The following AP3B1 variants were observed in gnomAD, a reference collection of about 807,000 sequenced individuals.
The protein encoded by AP3B1 is AP-3 complex subunit beta-1.
In AP3B1, 61 loss-of-function variants were observed where a neutral mutation model predicts 132.5. That is an observed-to-expected ratio of 0.46 (90% CI 0.37 to 0.57). The LOEUF is 0.57. Ranked by LOEUF, AP3B1 falls within the 20% of genes least tolerant of loss-of-function variation. AP3B1 has a pLI of 0.00. For missense variants in AP3B1, 1,120 were observed against 1,289.4 expected, an observed-to-expected ratio of 0.87 and a Z score of 2.01; for synonymous variants, 388 against 438.3, an observed-to-expected ratio of 0.89 and a Z score of 1.43.
At chr5:78,191,354 C>CAAAAAAAAAAAA (rs34733864) in intron 7 of AP3B1, among the ~76,000 whole-genome samples, 9 of 72,830 alleles carry the variant, frequency 1.2e-4, no homozygotes, top group African/African-American at 4.9e-4. Flanking sequence ...TGCTTTTCCC[C>CAAAAAAAAAAAA]AAAAAAAAAA....
chr5:78,131,581 AAT>A (rs1752688994), intron 15 of AP3B1, among the ~76,000 whole-genome samples: 1 of 152,112 alleles, frequency 6.6e-6, no homozygotes, highest in Non-Finnish European at 1.5e-5. Context: ...TCCTTTTAAA[AAT>A]ATGTCATCAA....
chr5:78,039,337 T>C (rs1747951717), intron 22 of AP3B1, 63 bp from the exon 23 acceptor site: 51 of 1,293,146 alleles, frequency 3.9e-5, no homozygotes, highest in Non-Finnish European at 5.5e-5. Context: ...TTTTAGAAAA[T>C]ATGCAAACAT....
chr5:78,057,375 C>T (rs35106017), intron 22 of AP3B1, among the ~76,000 whole-genome samples: 2,068 of 152,198 alleles, frequency 0.014, 17 homozygotes, highest in Non-Finnish European at 0.022. Context: ...AAAATGAAGT[C>T]GCCCGTTTGG....
intron 7 of AP3B1, among the ~76,000 whole-genome samples, chr5:78,210,199 G>A (rs1008163304): frequency 2.6e-5 from 4 of 151,938 alleles, no homozygotes; most frequent in Non-Finnish European, 5.9e-5. Flanking sequence ...TAAGACACAT[G>A]ACAAAATTTG....
At chr5:78,078,077 G>C (rs939003384) in intron 22 of AP3B1, among the ~76,000 whole-genome samples, 5 of 152,212 alleles carry the variant, frequency 3.3e-5, no homozygotes, top group African/African-American at 1.2e-4. Flanking sequence ...ATGTGCACAT[G>C]CTTGTATTCT....
intron 26 of AP3B1, among the ~76,000 whole-genome samples, chr5:78,003,793 A>G (rs1337057354): frequency 6.6e-6 from 1 of 152,244 alleles, no homozygotes; most frequent in African/African-American, 2.4e-5. Flanking sequence ...TACTGATTAC[A>G]CGGAACTAAA....
intron 19 of AP3B1, 126 bp downstream of exon 19, chr5:78,113,626 T>A (rs982639039): frequency 1.2e-5 from 13 of 1,069,822 alleles, no homozygotes; most frequent in Non-Finnish European, 1.8e-5. Context: ...TTTAAAAAGA[T>A]TTAATATCTG....
At chr5:78,240,327 C>T (rs1170465838) in intron 3 of AP3B1, among the ~76,000 whole-genome samples, 1 of 152,128 alleles carries the variant, frequency 6.6e-6, no homozygotes, top group Non-Finnish European at 1.5e-5. Flanking sequence ...GAGAATGTAA[C>T]CTTAATACTA....
chr5:78,067,896 A>G (rs1228060564), intron 22 of AP3B1, among the ~76,000 whole-genome samples: 2 of 152,130 alleles, frequency 1.3e-5, no homozygotes, highest in Non-Finnish European at 2.9e-5. Flanking sequence ...AGCAGAAGAC[A>G]AGAAATAACC....
intron 24 of AP3B1, among the ~76,000 whole-genome samples, chr5:78,029,672 T>A (rs1208147261): frequency 6.6e-6 from 1 of 152,178 alleles, no homozygotes; most frequent in Non-Finnish European, 1.5e-5. Context: ...AAATTATTAT[T>A]ATTTTTTTGA....
At chr5:78,105,270 TAAC>T (rs1580351947) in intron 20 of AP3B1, among the ~76,000 whole-genome samples, 2 of 105,440 alleles carry the variant, frequency 1.9e-5, no homozygotes, top group African/African-American at 5.3e-5. Flanking sequence ...AATAGTGGAC[TAAC>T]AACGTAGCTG....
intron 9 of AP3B1, among the ~76,000 whole-genome samples, chr5:78,176,690 T>C (rs558223560): frequency 3.3e-5 from 5 of 152,332 alleles, no homozygotes; most frequent in African/African-American, 1.2e-4. Flanking sequence ...TTATATGTCA[T>C]GGAAACTCAA....
At chr5:78,053,279 T>C (rs986404335) in intron 22 of AP3B1, among the ~76,000 whole-genome samples, 3 of 152,232 alleles carry the variant, frequency 2.0e-5, no homozygotes, top group Non-Finnish European at 2.9e-5. Flanking sequence ...ACCACCAGCT[T>C]AATTCAAGTC....
At chr5:78,225,271 CATGTT>C in intron 6 of AP3B1, among the ~76,000 whole-genome samples, 1 of 152,140 alleles carries the variant, frequency 6.6e-6, no homozygotes, top group South Asian at 2.1e-4. Flanking sequence ...TTGATCTTAC[CATGTT>C]AACCACTTAG....
intron 7 of AP3B1, among the ~76,000 whole-genome samples, chr5:78,185,662 C>T (rs763706040): frequency 1.3e-5 from 2 of 152,114 alleles, no homozygotes; most frequent in African/African-American, 2.4e-5. Flanking sequence ...AGTTCTAGAC[C>T]AGCCTGGGCA....
At chr5:78,110,413 TA>T (rs1561412830) in intron 19 of AP3B1, 59 bp from the exon 20 acceptor site, 9 of 1,364,302 alleles carry the variant, frequency 6.6e-6, no homozygotes, top group East Asian at 2.4e-5. Context: ...AAGCAGTTTA[TA>T]AAAAAATTGT....
At chr5:78,033,226 T>C (rs1479332454) in intron 24 of AP3B1, among the ~76,000 whole-genome samples, 1 of 152,082 alleles carries the variant, frequency 6.6e-6, no homozygotes, top group African/African-American at 2.4e-5. Context: ...TGTTCAGTAA[T>C]ATTGATCTGT....
chr5:78,243,135 T>C (rs535817281), intron 2 of AP3B1, among the ~76,000 whole-genome samples: 91 of 152,346 alleles, frequency 6.0e-4, no homozygotes, highest in African/African-American at 2.1e-3. Context: ...TTGAGTATTT[T>C]GTGAAACCTG....
intron 22 of AP3B1, among the ~76,000 whole-genome samples, chr5:78,070,800 A>T (rs924057571): frequency 6.6e-6 from 1 of 152,240 alleles, no homozygotes; most frequent in Non-Finnish European, 1.5e-5. Flanking sequence ...TGGCCAACAA[A>T]CATGAAAGAA....
Sources: gnomAD v4.1 joint callset for allele counts (sites outside exome capture counted in the v4.1 genomes callset) on GRCh38, gnomAD v4.1.1 for gene constraint, MANE v1.5 for transcripts, NCBI Gene and HGNC (gene_info 2026-07-23, HGNC 2026-07-21) for gene names.